Variants in SHANK2 observed in about 807,000 individuals in gnomAD.
SHANK2 encodes the protein SH3 and multiple ankyrin repeat domains 2.
A neutral mutation model predicts 133.7 loss-of-function variants in SHANK2; 43 were observed. The observed-to-expected ratio is 0.32, with a 90% CI of 0.25 to 0.41. The LOEUF (loss-of-function observed/expected upper bound fraction) is 0.41. Ranked by LOEUF, SHANK2 falls within the 10% of genes least tolerant of loss-of-function variation. The pLI is 1.00. For synonymous variants in SHANK2, 1,017 were observed against 952.8 expected, an observed-to-expected ratio of 1.07 and a Z score of -1.24; for missense variants, 1,994 against 2,235.8, an observed-to-expected ratio of 0.89 and a Z score of 2.18.
At chr11:70,713,257 A>G (rs537691653) in intron 14 of SHANK2, among the ~76,000 whole-genome samples, 1 of 152,254 alleles carries the variant, frequency 6.6e-6, no homozygotes, top group South Asian at 2.1e-4. Context: ...ATAAACAGAA[A>G]TCACTTCAGA....
chr11:71,157,407 T>A (rs1952926666), intron 2 of SHANK2, among the ~76,000 whole-genome samples: 1 of 152,206 alleles, frequency 6.6e-6, no homozygotes, highest in African/African-American at 2.4e-5. Context: ...ACTGGTGAGA[T>A]GGTACATTCA....
In SHANK2 at chr11:70,522,518, C is replaced by G. The variant is rs553427343; in HGVS notation, c.2062-19587G>C. ...TCTCCAGCCATGGCTTATTCAAACC[C>G]CGATCTTATTTCCTCCTTTGACTAG... On this transcript the variant is annotated intron_variant, in intron 17 of 25. Transcript: ENST00000601538. Among the ~76,000 whole-genome samples, 4 of 152,296 alleles carry G rather than the reference C, an allele frequency of 2.6e-5. No homozygotes were observed. The East Asian group carries it at 7.7e-4, about 29-fold the overall frequency.
chr11:70,789,819 G>A (rs914143941), intron 14 of SHANK2, among the ~76,000 whole-genome samples: 4 of 152,328 alleles, frequency 2.6e-5, no homozygotes, highest in African/African-American at 7.2e-5. Context: ...TGGAAACAGG[G>A]ATGTACAGCG....
intron 11 of SHANK2, among the ~76,000 whole-genome samples, chr11:70,868,864 G>T (rs1238040396): frequency 6.6e-6 from 1 of 152,220 alleles, no homozygotes; most frequent in Non-Finnish European, 1.5e-5. Context: ...GATGTTGGGG[G>T]AGGGCGTCCT....
At position 70,820,571 on chromosome 11, in the gene SHANK2, C is replaced by A; in HGVS notation, c.1286G>T (p.Ser429Ile). The A allele has an allele frequency of 1.4e-6, 1 of 716,928 alleles. No homozygotes were observed. Among genetic ancestry groups the A allele is most frequent in the Non-Finnish European group, 2.6e-6 (1 of 384,734 alleles). The allele number at this position is 716,928 out of a possible 1,614,324, so 44.4% of individuals were successfully genotyped here. Residue 429 changes from serine to isoleucine, a missense_variant, in exon 12 of 26, where the codon AGC becomes ATC. Physicochemically the swap from Ser to Ile is moderately radical, Grantham distance 142 (BLOSUM62 -2). Coordinates refer to ENST00000601538, the MANE Select transcript of SHANK2 (RefSeq NM_012309.5). ...RSNSDNNLNA[S>I]APDWAVCSTA... ...GGAGCAGACGGCCCAGTCGGGAGCG[C>A]TGGCATTGAGGTTGTTGTCACTGTT...
chr11:70,616,503 A>G, intron 17 of SHANK2, among the ~76,000 whole-genome samples: 1 of 152,072 alleles, frequency 6.6e-6, no homozygotes. Flanking sequence ...GGCAGAGACA[A>G]CTCAGGAGGC....
chr11:71,233,702 G>C (rs782264865), intron 1 of SHANK2, among the ~76,000 whole-genome samples: 10 of 152,180 alleles, frequency 6.6e-5, no homozygotes, highest in Non-Finnish European at 1.0e-4. Context: ...CTGTTAAAGG[G>C]GGATGCTCCT....
intron 11 of SHANK2, among the ~76,000 whole-genome samples, chr11:70,849,213 C>T (rs1292530403): frequency 6.6e-6 from 1 of 152,176 alleles, no homozygotes; most frequent in African/African-American, 2.4e-5. Context: ...ACTCAGGAGG[C>T]TGAGGTGCTA....
chr11:70,719,389 G>A (rs1206323442), intron 14 of SHANK2, among the ~76,000 whole-genome samples: 1 of 152,218 alleles, frequency 6.6e-6, no homozygotes, highest in African/African-American at 2.4e-5. Flanking sequence ...CACTCCTGGG[G>A]ACATGGACGT....
rs535919113 is a variant in SHANK2 at position 70,494,848 on chromosome 11, C to T, written c.2309-2383G>A. On this transcript the variant is annotated intron_variant, in intron 21 of 25. Coordinates refer to ENST00000601538, the MANE Select transcript of SHANK2 (RefSeq NM_012309.5). ...CACTCTCTCCCTTCATGACCAAGTC[C>T]AGCTGACCAGGCCTGCAGGCTCACT... 1.1e-4 allele frequency among the ~76,000 whole-genome samples: 16 copies of T among 152,318 alleles called. No individual in the cohort carries two copies. In the South Asian group the frequency reaches 3.1e-3, roughly 30 times the overall value.
chr11:70,664,776 G>T (rs1372078854), intron 15 of SHANK2, among the ~76,000 whole-genome samples: 2 of 152,228 alleles, frequency 1.3e-5, no homozygotes. Flanking sequence ...CTAGAGAAGG[G>T]CAGGGGCATT....
intron 11 of SHANK2, among the ~76,000 whole-genome samples, chr11:70,869,761 C>T (rs1949428649): frequency 6.6e-6 from 1 of 152,154 alleles, no homozygotes. Flanking sequence ...ACAGGGGGCT[C>T]GACGGGGAGT....
intron 17 of SHANK2, among the ~76,000 whole-genome samples, chr11:70,518,242 G>A (rs751037142): frequency 3.3e-5 from 5 of 152,196 alleles, no homozygotes; most frequent in Non-Finnish European, 5.9e-5. Context: ...AAAAGACAGA[G>A]ACTCTTATTA....
At chr11:70,636,005 C>T (rs2061074698) in intron 17 of SHANK2, among the ~76,000 whole-genome samples, 1 of 152,264 alleles carries the variant, frequency 6.6e-6, no homozygotes, top group Non-Finnish European at 1.5e-5. Flanking sequence ...TTCCCTGGTC[C>T]AGGTGGGGCC....
At chr11:70,519,081 T>C (rs1490733474) in intron 17 of SHANK2, among the ~76,000 whole-genome samples, 3 of 152,106 alleles carry the variant, frequency 2.0e-5, no homozygotes, top group Non-Finnish European at 4.4e-5. Context: ...GGCTAATTTT[T>C]GTATTTTTTT....
chr11:70,937,623 A>G (rs1282564455), intron 10 of SHANK2, among the ~76,000 whole-genome samples: 1 of 151,922 alleles, frequency 6.6e-6, no homozygotes, highest in Non-Finnish European at 1.5e-5. Flanking sequence ...TCTGCTATCA[A>G]AGATCACGGT....
intron 1 of SHANK2, among the ~76,000 whole-genome samples, chr11:71,229,676 C>G (rs781902404): frequency 1.3e-5 from 2 of 150,688 alleles, no homozygotes; most frequent in Non-Finnish European, 2.9e-5. Flanking sequence ...AGGAGAATAG[C>G]CTGAACCAGG....
chr11:70,846,290 G>A (rs1948995920), intron 11 of SHANK2, among the ~76,000 whole-genome samples: 1 of 151,996 alleles, frequency 6.6e-6, no homozygotes, highest in South Asian at 2.1e-4. Flanking sequence ...TAGAAACACG[G>A]TCTCGCTCGG....
intron 17 of SHANK2, among the ~76,000 whole-genome samples, chr11:70,518,058 T>G (rs1053570566): frequency 7.2e-5 from 11 of 152,136 alleles, no homozygotes; most frequent in Non-Finnish European, 2.9e-5. Context: ...TTTCTACAAG[T>G]TTTTATTATG....
Sources: gnomAD v4.1 joint callset for allele counts (sites outside exome capture counted in the v4.1 genomes callset) on GRCh38, gnomAD v4.1.1 for gene constraint, MANE v1.5 for transcripts, NCBI Gene and HGNC (gene_info 2026-07-23, HGNC 2026-07-21) for gene names.